Variants in SBF2 observed in about 807,000 individuals in gnomAD.
The protein encoded by SBF2 is myotubularin-related protein 13.
A neutral mutation model predicts 225.2 loss-of-function variants in SBF2; 112 were observed. The ratio of observed to expected loss-of-function variants is 0.50; its 90% CI spans 0.43 to 0.58. SBF2 has a LOEUF of 0.58. Ranked by LOEUF, SBF2 falls within the 20% of genes least tolerant of loss-of-function variation. The probability of loss-of-function intolerance (pLI) is 0.00; values close to 1 mark genes in which losing one functional copy is unlikely to be tolerated. For missense variants in SBF2, 1,996 were observed against 2,206.2 expected, an observed-to-expected ratio of 0.90 and a Z score of 1.91; for synonymous variants, 763 against 773.3, an observed-to-expected ratio of 0.99 and a Z score of 0.22.
chr11:10,204,994 A>C (rs1591208751), intron 1 of SBF2, among the ~76,000 whole-genome samples: 12 of 138,100 alleles, frequency 8.7e-5, no homozygotes, highest in South Asian at 2.7e-4. Context: ...AACAATACAC[A>C]CCGCGGCCTG....
intron 16 of SBF2, among the ~76,000 whole-genome samples, chr11:9,912,530 C>A (rs539951608): frequency 3.9e-5 from 6 of 152,108 alleles, no homozygotes; most frequent in African/African-American, 1.4e-4. Flanking sequence ...TGCAGTGAGC[C>A]GAGATCACTC....
In SBF2 at chr11:9,920,204, GTA is replaced by G. The variant is rs1554954741; in HGVS notation, c.1861-24195_1861-24194del. ...TATATGTGTGTGTGTGTGTGTGTGT[GTA>G]TATATATATATATACACACACATAT... On this transcript the variant is annotated intron_variant, in intron 16 of 39. Coordinates refer to ENST00000256190, the MANE Select transcript of SBF2 (RefSeq NM_030962.4). 8.2e-3 allele frequency among the ~76,000 whole-genome samples: 945 copies of G among 115,210 alleles called. 4 individuals carry two copies. The highest frequency in any genetic ancestry group is 9.4e-3 in the Non-Finnish European group (456 of 48,584). 75.6% of individuals were successfully genotyped at this position (115,210 alleles called of 152,430 possible). A position where few individuals can be genotyped will look rare whatever the true frequency, so the allele number is the denominator to read the frequency against.
At chr11:9,913,129 C>G (rs552170734) in intron 16 of SBF2, among the ~76,000 whole-genome samples, 1 of 152,184 alleles carries the variant, frequency 6.6e-6, no homozygotes, top group African/African-American at 2.4e-5. Flanking sequence ...ATGAAAAATA[C>G]AAAAATTACC....
chr11:10,101,394 A>C (rs899838677), intron 2 of SBF2, among the ~76,000 whole-genome samples: 7 of 152,152 alleles, frequency 4.6e-5, no homozygotes, highest in Non-Finnish European at 8.8e-5. Context: ...GGAAAATGTT[A>C]ACTCAGTTCC....
intron 17 of SBF2, among the ~76,000 whole-genome samples, chr11:9,863,750 CTCTCT>C (rs767269935): frequency 1.0e-4 from 14 of 140,012 alleles, no homozygotes; most frequent in East Asian, 2.1e-4. Flanking sequence ...CCCTCCCTCT[CTCTCT>C]TTTTTTTTTT....
upstream of SBF2, among the ~76,000 whole-genome samples, chr11:10,295,240 G>A (rs1254011403): frequency 6.6e-6 from 1 of 152,118 alleles, no homozygotes; most frequent in Non-Finnish European, 1.5e-5. Context: ...ATAAGACAAG[G>A]CCTCTTAGCA....
At chr11:10,167,187 A>G (rs2135231765) in intron 2 of SBF2, among the ~76,000 whole-genome samples, 1 of 152,352 alleles carries the variant, frequency 6.6e-6, no homozygotes, top group Non-Finnish European at 1.5e-5. Context: ...CAAATAGGTC[A>G]CACATTAAAT....
chr11:10,237,176 A>C (rs997201526), intron 1 of SBF2, among the ~76,000 whole-genome samples: 2 of 152,098 alleles, frequency 1.3e-5, no homozygotes, highest in East Asian at 3.9e-4. Flanking sequence ...ACAAAACCCC[A>C]TCTCTACTAA....
chr11:10,245,698 T>C (rs1182707730), intron 1 of SBF2, among the ~76,000 whole-genome samples: 1 of 152,212 alleles, frequency 6.6e-6, no homozygotes, highest in East Asian at 1.9e-4. Context: ...TGCACTCCCA[T>C]GCTCACTGCA....
chr11:10,127,920 T>C (rs1953836593), intron 2 of SBF2, among the ~76,000 whole-genome samples: 1 of 152,212 alleles, frequency 6.6e-6, no homozygotes, highest in South Asian at 2.1e-4. Flanking sequence ...AGTTACTTAA[T>C]CTGAGTCTCT....
At chr11:10,240,931 G>C (rs940044801) in intron 1 of SBF2, among the ~76,000 whole-genome samples, 3 of 152,154 alleles carry the variant, frequency 2.0e-5, no homozygotes, top group African/African-American at 4.8e-5. Flanking sequence ...AGAATACTTA[G>C]AGGAATATTA....
chr11:9,824,699 A>G (rs1185840155), intron 28 of SBF2, among the ~76,000 whole-genome samples: 1 of 152,226 alleles, frequency 6.6e-6, no homozygotes, highest in Non-Finnish European at 1.5e-5. Context: ...AATGGATAAC[A>G]TGGTGACGTG....
chr11:10,097,188 G>A (rs1191647603), intron 2 of SBF2, among the ~76,000 whole-genome samples: 2 of 152,198 alleles, frequency 1.3e-5, no homozygotes, highest in Non-Finnish European at 2.9e-5. Flanking sequence ...TTCGCCATTT[G>A]AGAACACAGC....
intron 2 of SBF2, among the ~76,000 whole-genome samples, chr11:10,124,976 G>A (rs1591011983): frequency 6.6e-6 from 1 of 151,844 alleles, no homozygotes; most frequent in Non-Finnish European, 1.5e-5. Flanking sequence ...GTGGTGGCAG[G>A]TGCCTGTAAT....
At chr11:9,855,462 G>T (rs1486532852) in intron 19 of SBF2, among the ~76,000 whole-genome samples, 1 of 152,172 alleles carries the variant, frequency 6.6e-6, no homozygotes, top group Non-Finnish European at 1.5e-5. Flanking sequence ...GGAGCATGAG[G>T]AGAAGAATTT....
chr11:9,905,128 C>T (rs1020292736), intron 16 of SBF2, among the ~76,000 whole-genome samples: 11 of 152,140 alleles, frequency 7.2e-5, no homozygotes, highest in Non-Finnish European at 1.5e-4. Context: ...ATCATTAATG[C>T]ATGTAAAATA....
chr11:10,267,540 A>T (rs1962113293), intron 1 of SBF2, among the ~76,000 whole-genome samples: 1 of 152,178 alleles, frequency 6.6e-6, no homozygotes, highest in Non-Finnish European at 1.5e-5. Flanking sequence ...CGAATGGCCA[A>T]GGGGAAGAGG....
At chr11:9,828,293 T>C in intron 28 of SBF2, 9 of 1,261,566 alleles carry the variant, frequency 7.1e-6, no homozygotes, top group Non-Finnish European at 9.2e-6. Flanking sequence ...CAAAAAGTTA[T>C]CTTCAGGTGT....
chr11:9,886,699 G>GTTTTTTTTTTTTTTT (rs61240594), intron 17 of SBF2, among the ~76,000 whole-genome samples: 1 of 133,738 alleles, frequency 7.5e-6, no homozygotes, highest in Non-Finnish European at 1.6e-5. Context: ...TGATTCATGT[G>GTTTTTTTTTTTTTTT]TTTTTTTTTT....
Sources: gnomAD v4.1 joint callset for allele counts (sites outside exome capture counted in the v4.1 genomes callset) on GRCh38, gnomAD v4.1.1 for gene constraint, MANE v1.5 for transcripts, NCBI Gene and HGNC (gene_info 2026-07-23, HGNC 2026-07-21) for gene names.